The following RYR3 variants were observed in gnomAD, a reference collection of about 807,000 sequenced individuals.
RYR3 encodes ryanodine receptor 3, also known as brain ryanodine receptor-calcium release channel.
Under a neutral mutation model 584.3 loss-of-function variants are expected in RYR3, and 207 were observed. The observed-to-expected ratio is 0.35, with a 90% CI of 0.32 to 0.40. The LOEUF (loss-of-function observed/expected upper bound fraction) is 0.40, where lower values mean the gene tolerates loss of function less well. Among genes scored for constraint, RYR3 ranks in the 10% least tolerant of loss-of-function variants. The pLI, the probability that RYR3 is intolerant of heterozygous loss-of-function variation, is 1.00. For synonymous variants in RYR3, 2,416 were observed against 2,248.5 expected, an observed-to-expected ratio of 1.07 and a Z score of -2.11; for missense variants, 5,616 against 6,089.2, an observed-to-expected ratio of 0.92 and a Z score of 2.59.
intron 12 of RYR3, among the ~76,000 whole-genome samples, chr15:33,567,732 C>T (rs1567555176): frequency 6.6e-6 from 1 of 152,184 alleles, no homozygotes; most frequent in African/African-American, 2.4e-5. Context: ...ATCAGCATCA[C>T]TTGCAAACTT....
At chr15:33,556,145 C>T (rs2057050844) in intron 10 of RYR3, among the ~76,000 whole-genome samples, 1 of 152,202 alleles carries the variant, frequency 6.6e-6, no homozygotes, top group South Asian at 2.1e-4. Flanking sequence ...AGGGTGCCTA[C>T]AGTCCTGTAT....
At chr15:33,314,949 A>AC (rs145995041) in intron 1 of RYR3, among the ~76,000 whole-genome samples, 3,495 of 151,686 alleles carry the variant, frequency 0.023, 65 homozygotes, top group African/African-American at 0.037. Flanking sequence ...AACCAAAAAA[A>AC]AACAACAACA....
Position 33,772,136 on chromosome 15 carries a change from T to C in RYR3, c.9033T>C (p.His3011=). ...CCATCTTTGAGCACGTCACTCAGCA[T>C]CAGTTTGGAATGGATCTACTCTGTG... ...LTSIFEHVTQ[H]QFGMDLLLGD... The change falls in exon 63 of 104, where the codon CAT becomes CAC. Residue 3011 remains histidine (H), a synonymous_variant. Transcript: ENST00000634891. The C allele has an allele frequency of 6.2e-7, 1 of 1,612,194 alleles. No homozygotes were observed. The highest frequency in any genetic ancestry group is 8.5e-7 in the Non-Finnish European group (1 of 1,178,562).
At chr15:33,545,067 T>C (rs2056134817) in intron 8 of RYR3, among the ~76,000 whole-genome samples, 1 of 152,122 alleles carries the variant, frequency 6.6e-6, no homozygotes, top group African/African-American at 2.4e-5. Flanking sequence ...TAACTAAGAT[T>C]TTATGAGTTT....
chr15:33,418,504 G>C (rs574349825), intron 1 of RYR3, among the ~76,000 whole-genome samples: 3 of 152,220 alleles, frequency 2.0e-5, no homozygotes, highest in Admixed American at 6.5e-5. Flanking sequence ...GAGCTGGACA[G>C]AGTGGGTTTC....
intron 51 of RYR3, among the ~76,000 whole-genome samples, chr15:33,742,038 G>A (rs552919208): frequency 5.9e-5 from 9 of 152,196 alleles, no homozygotes; most frequent in Non-Finnish European, 8.8e-5. Flanking sequence ...AGGATGACAG[G>A]CCATTTACCT....
intron 32 of RYR3, among the ~76,000 whole-genome samples, chr15:33,654,633 A>T (rs1318391417): frequency 1.3e-5 from 2 of 152,076 alleles, no homozygotes; most frequent in South Asian, 4.1e-4. Flanking sequence ...ACAACATCGC[A>T]TAGGGCTCTT....
intron 72 of RYR3, among the ~76,000 whole-genome samples, 156 bp downstream of exon 72, chr15:33,811,193 T>TA (rs1487564131): frequency 1.3e-5 from 2 of 152,230 alleles, no homozygotes; most frequent in Non-Finnish European, 2.9e-5. Context: ...CTCTCTTTTT[T>TA]AAATTTTTTT....
Position 33,757,595 on chromosome 15 carries a change from G to A in RYR3, c.8704G>A (p.Gly2902Ser), listed in dbSNP as rs144489386. Reference sequence around the variant, plus strand: ...CCATAAGGAGAAAGAAATGGTGGCCGGGTGAGTCTACAAGATAAAGGGAAG... The same window carrying A: ...CCATAAGGAGAAAGAAATGGTGGCCAGGTGAGTCTACAAGATAAAGGGAAG... Reference protein sequence around the residue: ...ASHKEKEMVAGLFCKLAALVR... With the variant: ...ASHKEKEMVASLFCKLAALVR... The change falls in exon 60 of 104, where the codon GGC (glycine) becomes AGC (serine). Residue 2902 changes from glycine (G) to serine (S), a missense_variant and splice_region_variant. By Grantham distance (56) the Gly-to-Ser change is moderately conservative. Transcript: ENST00000634891. The A allele has an allele frequency of 2.0e-5, 32 of 1,609,544 alleles. No individual in the cohort carries two copies. The highest frequency in any genetic ancestry group is 7.8e-5 in the South Asian group (7 of 89,612).
intron 1 of RYR3, among the ~76,000 whole-genome samples, chr15:33,312,733 G>T (rs1967525535): frequency 6.6e-6 from 1 of 152,234 alleles, no homozygotes; most frequent in South Asian, 2.1e-4. Flanking sequence ...GACAGGGTCA[G>T]TGTTGAATAG....
In RYR3 at chr15:33,725,180, C is replaced by CATATAT. The variant is rs138128058; in HGVS notation, c.6912+1005_6912+1006insTATATA. 6.2e-3 allele frequency among the ~76,000 whole-genome samples: 899 copies of CATATAT among 143,888 alleles called. 7 individuals are homozygous for CATATAT. The highest frequency in any genetic ancestry group is 0.015 in the Middle Eastern group (4 of 274). The allele number at this position is 143,888 out of a possible 152,430, so 94.4% of individuals were successfully genotyped here. On this transcript the variant is annotated intron_variant, in intron 45 of 103. Coordinates refer to ENST00000634891, the MANE Select transcript of RYR3 (RefSeq NM_001036.6). The stretch of plus-strand genomic sequence containing the variant: ...ACACACACACACACACACACACACA[C>CATATAT]ACACACACACACACACACACACATA...
chr15:33,846,639 G>A (rs56090340), intron 93 of RYR3, among the ~76,000 whole-genome samples: 4,994 of 152,212 alleles, frequency 0.033, 160 homozygotes, highest in Non-Finnish European at 0.039. Context: ...CATGTAGGAA[G>A]TCCAGCTACT....
intron 3 of RYR3, among the ~76,000 whole-genome samples, chr15:33,504,552 C>A (rs1210547352): frequency 6.6e-6 from 1 of 152,162 alleles, no homozygotes; most frequent in Non-Finnish European, 1.5e-5. Context: ...ATACTTACCC[C>A]CTCCTCCCGT....
intron 74 of RYR3, among the ~76,000 whole-genome samples, chr15:33,815,647 A>G (rs1027029683): frequency 1.3e-5 from 2 of 152,206 alleles, no homozygotes; most frequent in Non-Finnish European, 2.9e-5. Flanking sequence ...TCTCTCTAGC[A>G]TGGAGGACTG....
intron 38 of RYR3, among the ~76,000 whole-genome samples, chr15:33,687,001 C>A (rs558697940): frequency 6.6e-6 from 1 of 152,146 alleles, no homozygotes; most frequent in East Asian, 1.9e-4. Flanking sequence ...CTTTGAAAAT[C>A]GGCACAAGAC....
Position 33,659,899 on chromosome 15 carries a change from G to T in RYR3, c.4395+93G>T, listed in dbSNP as rs7162582. 4.3e-4 allele frequency: 380 copies of T among 873,754 alleles called. 2 individuals are homozygous for T. In the African/African-American group the frequency reaches 5.2e-3, roughly 12 times the overall value. 54.1% of individuals were successfully genotyped at this position (873,754 alleles called of 1,614,324 possible). A position where few individuals can be genotyped will look rare whatever the true frequency, so the allele number is the denominator to read the frequency against. On this transcript the variant is annotated intron_variant, in intron 33 of 103. Coordinates refer to ENST00000634891, the MANE Select transcript of RYR3 (RefSeq NM_001036.6). The stretch of plus-strand genomic sequence containing the variant: ...TCCCAGGCCTCAGAAGATGGGAGAA[G>T]CCTGTTCACTTCCCATAAGCCCCCC...
At chr15:33,487,609 T>A (rs1332914128) in intron 2 of RYR3, among the ~76,000 whole-genome samples, 1 of 152,158 alleles carries the variant, frequency 6.6e-6, no homozygotes, top group African/African-American at 2.4e-5. Flanking sequence ...TATGCACATA[T>A]GGTGGGCTGG....
chr15:33,596,704 A>T (rs564956520), intron 16 of RYR3, among the ~76,000 whole-genome samples: 1 of 152,266 alleles, frequency 6.6e-6, no homozygotes, highest in South Asian at 2.1e-4. Flanking sequence ...AAACCATATA[A>T]TATATTATTG....
intron 1 of RYR3, among the ~76,000 whole-genome samples, chr15:33,357,381 G>A (rs1974127727): frequency 2.0e-5 from 3 of 152,110 alleles, no homozygotes; most frequent in African/African-American, 7.2e-5. Context: ...GTAGGTGAGG[G>A]CACAACCTGG....
Sources: gnomAD v4.1 joint callset for allele counts (sites outside exome capture counted in the v4.1 genomes callset) on GRCh38, gnomAD v4.1.1 for gene constraint, MANE v1.5 for transcripts, NCBI Gene and HGNC (gene_info 2026-07-23, HGNC 2026-07-21) for gene names.